ANKFN1: variants seen among roughly 807,000 people sequenced by gnomAD.
ANKFN1 encodes ankyrin repeat and fibronectin type-III domain-containing protein 1.
ANKFN1 carries 74 observed loss-of-function variants against 108.7 expected under a neutral mutation model. The ratio of observed to expected loss-of-function variants is 0.68; its 90% CI spans 0.56 to 0.83. The LOEUF is 0.83. Among genes scored for constraint, ANKFN1 ranks in the 40% least tolerant of loss-of-function variants. The probability of loss-of-function intolerance (pLI) is 0.00; values close to 1 mark genes in which losing one functional copy is unlikely to be tolerated. For missense variants in ANKFN1, 1,505 were observed against 1,382.3 expected, an observed-to-expected ratio of 1.09 and a Z score of -1.41; for synonymous variants, 547 against 516.2, an observed-to-expected ratio of 1.06 and a Z score of -0.81.
chr17:56,070,655 A>G (rs1439820767), intron 4 of ANKFN1, among the ~76,000 whole-genome samples: 1 of 151,332 alleles, frequency 6.6e-6, no homozygotes, highest in Non-Finnish European at 1.5e-5. Flanking sequence ...CCAAAGCCAA[A>G]CCTTCCTTTT....
intron 4 of ANKFN1, among the ~76,000 whole-genome samples, chr17:56,350,244 A>G (rs2046210896): frequency 6.6e-6 from 1 of 152,148 alleles, no homozygotes; most frequent in Non-Finnish European, 1.5e-5. Context: ...CAGAGGACAG[A>G]TGCAAGTTAA....
At chr17:56,318,377 G>GA (rs1354941346) in intron 3 of ANKFN1, among the ~76,000 whole-genome samples, 1 of 152,030 alleles carries the variant, frequency 6.6e-6, no homozygotes, top group Admixed American at 6.6e-5. Flanking sequence ...CTTAAACTGG[G>GA]AAAAAGTATA....
At chr17:56,313,508 T>A (rs1457827283) in intron 3 of ANKFN1, among the ~76,000 whole-genome samples, 1 of 152,210 alleles carries the variant, frequency 6.6e-6, no homozygotes, top group Non-Finnish European at 1.5e-5. Context: ...GAGCTAGTAG[T>A]AATCTGAGCC....
At chr17:56,455,870 A>G (rs2049675839) in intron 11 of ANKFN1, among the ~76,000 whole-genome samples, 1 of 152,188 alleles carries the variant, frequency 6.6e-6, no homozygotes, top group South Asian at 2.1e-4. Context: ...TTTCCCAGGC[A>G]CTGACTTTTT....
chr17:56,398,796 G>A (rs1190523367), intron 8 of ANKFN1, among the ~76,000 whole-genome samples: 1 of 152,140 alleles, frequency 6.6e-6, no homozygotes, highest in African/African-American at 2.4e-5. Flanking sequence ...GATAAGGAGA[G>A]TATTACTGTC....
chr17:56,384,594 A>G (rs571248455), intron 8 of ANKFN1, among the ~76,000 whole-genome samples: 191 of 152,268 alleles, frequency 1.3e-3, no homozygotes, highest in African/African-American at 4.5e-3. Flanking sequence ...TCTCAGCCCA[A>G]AATCTCAGGG....
chr17:56,317,378 G>A (rs1417266778), intron 3 of ANKFN1, among the ~76,000 whole-genome samples: 2 of 152,162 alleles, frequency 1.3e-5, no homozygotes, highest in East Asian at 1.9e-4. Flanking sequence ...TCATAGGAAA[G>A]GTGTAAATCC....
At chr17:56,314,367 C>A (rs1449759875) in intron 3 of ANKFN1, among the ~76,000 whole-genome samples, 1 of 152,144 alleles carries the variant, frequency 6.6e-6, no homozygotes, top group Non-Finnish European at 1.5e-5. Context: ...CAAAGGTATA[C>A]CATTTTATAC....
chr17:56,191,980 A>G (rs1406173255), intron 1 of ANKFN1, among the ~76,000 whole-genome samples: 1 of 151,652 alleles, frequency 6.6e-6, no homozygotes, highest in Admixed American at 6.6e-5. Context: ...TCCATTGCTG[A>G]TACCCTTTCT....
At chr17:56,462,548 C>T (rs537661995) in intron 14 of ANKFN1, among the ~76,000 whole-genome samples, 3 of 152,188 alleles carry the variant, frequency 2.0e-5, no homozygotes, top group East Asian at 1.9e-4. Flanking sequence ...GAGCTGAGAT[C>T]GCACCATTGC....
chr17:56,102,044 T>C (rs1373253773), intron 4 of ANKFN1, among the ~76,000 whole-genome samples: 1 of 152,236 alleles, frequency 6.6e-6, no homozygotes, highest in Non-Finnish European at 1.5e-5. Flanking sequence ...AGAGATTGCA[T>C]TTATCACCAA....
intron 3 of ANKFN1, among the ~76,000 whole-genome samples, chr17:56,290,897 C>A (rs1160896891): frequency 6.6e-6 from 1 of 152,080 alleles, no homozygotes; most frequent in Non-Finnish European, 1.5e-5. Flanking sequence ...GACATGAAGA[C>A]AAGCTTTCAT....
chr17:56,276,712 T>C (rs1390524702), intron 3 of ANKFN1, among the ~76,000 whole-genome samples: 1 of 152,200 alleles, frequency 6.6e-6, no homozygotes, highest in East Asian at 1.9e-4. Flanking sequence ...TGTTTTTTTC[T>C]TGTAAATTTG....
At chr17:56,384,911 T>C (rs1203466921) in intron 8 of ANKFN1, among the ~76,000 whole-genome samples, 1 of 151,594 alleles carries the variant, frequency 6.6e-6, no homozygotes, top group Non-Finnish European at 1.5e-5. Flanking sequence ...AATTTATAGA[T>C]TCAATGCCAT....
At chr17:56,110,815 A>G (rs1367692) in intron 4 of ANKFN1, 79,899 of 152,084 alleles carry the variant, frequency 0.53, 21,334 homozygotes, top group East Asian at 0.81. Context: ...CAGGTCCCTC[A>G]TTTCCTTGAG....
chr17:56,295,459 A>G (rs1238952272), intron 3 of ANKFN1, among the ~76,000 whole-genome samples: 3 of 152,186 alleles, frequency 2.0e-5, no homozygotes, highest in Admixed American at 1.3e-4. Context: ...GGTCTCACCC[A>G]AGACTCTTGA....
intron 3 of ANKFN1, among the ~76,000 whole-genome samples, chr17:56,242,582 CAA>C (rs1917667669): frequency 6.6e-6 from 1 of 151,976 alleles, no homozygotes; most frequent in Admixed American, 6.6e-5. Context: ...GTAGATTATT[CAA>C]AGATTGTCTA....
At position 56,510,479 on chromosome 17, in the gene ANKFN1, A is replaced by G. The variant is rs758750375; in HGVS notation, c.2651A>G (p.Gln884Arg). The change falls in exon 21 of 21, where the codon CAG becomes CGG. Residue 884 changes from glutamine (Q) to arginine (R), a missense_variant. Transcript: ENST00000682825. The part of the protein sequence containing the change: ...MHRRKTVSDS[Q>R]PCSDEEACSE... Reference sequence around the variant, plus strand: ...TCAGTTTCTGGCTTCGCAGATTCACAGCCCTGCTCTGATGAAGAAGCCTGC... The same window carrying G: ...TCAGTTTCTGGCTTCGCAGATTCACGGCCCTGCTCTGATGAAGAAGCCTGC... 7.0e-5 allele frequency: 107 copies of G among 1,533,824 alleles called. No homozygotes were observed. Among genetic ancestry groups the G allele is most frequent in the Non-Finnish European group, 8.4e-5 (96 of 1,146,270 alleles).
chr17:56,316,686 A>C (rs1598397869), intron 3 of ANKFN1, among the ~76,000 whole-genome samples: 1 of 152,198 alleles, frequency 6.6e-6, no homozygotes, highest in East Asian at 1.9e-4. Context: ...GGCACTCAGG[A>C]GAGAAAAATA....
Sources: allele counts gnomAD v4.1 joint callset (sites outside exome capture counted in the v4.1 genomes callset), GRCh38; gene constraint gnomAD v4.1.1; transcripts MANE v1.5; gene names NCBI Gene and HGNC (gene_info 2026-07-23, HGNC 2026-07-21).